The following RELCH variants were observed in gnomAD, a reference collection of about 807,000 sequenced individuals.
RELCH encodes the protein RAB11 binding and LisH domain, coiled-coil and HEAT repeat containing.
Under a neutral mutation model 150.3 loss-of-function variants are expected in RELCH, and 41 were observed. The ratio of observed to expected loss-of-function variants is 0.27; its 90% CI spans 0.21 to 0.35. The LOEUF is 0.35. Among genes scored for constraint, RELCH ranks in the 10% least tolerant of loss-of-function variants. The probability of loss-of-function intolerance (pLI) is 1.00; values close to 1 mark genes in which losing one functional copy is unlikely to be tolerated. For synonymous variants in RELCH, 478 were observed against 531.8 expected (o/e 0.90, Z 1.39); for missense variants, 1,092 against 1,467.8 (o/e 0.74, Z 4.18).
At chr18:62,188,118 G>A in intron 1 of RELCH, 87 bp downstream of exon 1, 3 of 1,377,568 alleles carry the variant, frequency 2.2e-6, no homozygotes, top group Non-Finnish European at 2.9e-6. Context: ...TTCTGCGTGG[G>A]TCCCGATAGG....
intron 10 of RELCH, among the ~76,000 whole-genome samples, chr18:62,237,122 C>A (rs2041915421): frequency 6.6e-6 from 1 of 151,682 alleles, no homozygotes; most frequent in African/African-American, 2.4e-5. Flanking sequence ...GTTACTGATT[C>A]TTAATTTCAT....
chr18:62,243,866 G>A (rs2042270482), intron 10 of RELCH, among the ~76,000 whole-genome samples: 1 of 151,958 alleles, frequency 6.6e-6, no homozygotes, highest in South Asian at 2.1e-4. Flanking sequence ...AAAGAAATGG[G>A]TGTAGTCATT....
At chr18:62,301,783 C>G (rs1422896041) in intron 28 of RELCH, among the ~76,000 whole-genome samples, 1 of 152,180 alleles carries the variant, frequency 6.6e-6, no homozygotes, top group Non-Finnish European at 1.5e-5. Flanking sequence ...AAAGCTGTTA[C>G]AGGAACCCAT....
intron 22 of RELCH, 39 bp from the exon 23 acceptor site, chr18:62,279,735 G>A (rs774417551): frequency 2.4e-5 from 32 of 1,341,794 alleles, no homozygotes; most frequent in Middle Eastern, 3.5e-4. Flanking sequence ...TGCTCTTTCC[G>A]TGCATCACCT....
chr18:62,298,710 T>C, intron 27 of RELCH, 80 bp from the exon 28 acceptor site: 1 of 705,266 alleles, frequency 1.4e-6, no homozygotes, highest in South Asian at 1.8e-5. Context: ...TATAGGAATA[T>C]TAAAAATTAA....
Position 62,308,261 on chromosome 18 carries a change from T to G in RELCH, c.*2727T>G, listed in dbSNP as rs914254987. On this transcript the variant is annotated 3_prime_UTR_variant, in exon 29 of 29. Transcript: ENST00000644646. ...TGGACCATTATTTGAACTCCAAGGA[T>G]GTAACTTTCTGTAGTTACTACCCTG... 6.6e-5 allele frequency: 10 copies of G among 152,230 alleles called. No individual in the cohort carries two copies. The highest frequency in any genetic ancestry group is 2.4e-4 in the African/African-American group (10 of 41,458). 9.4% of individuals were successfully genotyped at this position (152,230 alleles called of 1,614,324 possible).
intron 19 of RELCH, 115 bp downstream of exon 19, chr18:62,266,864 G>A: frequency 1.6e-6 from 1 of 623,118 alleles, no homozygotes; most frequent in South Asian, 2.2e-5. Flanking sequence ...AATTGAAAAG[G>A]AAAACTTATA....
chr18:62,275,799 T>G (rs2144873928), intron 22 of RELCH, among the ~76,000 whole-genome samples: 1 of 152,314 alleles, frequency 6.6e-6, no homozygotes, highest in South Asian at 2.1e-4. Flanking sequence ...CTGAGGTAAA[T>G]AAACTGAAAC....
chr18:62,231,119 A>G (rs549639772), intron 8 of RELCH, 75 bp from the exon 9 acceptor site: 5 of 992,926 alleles, frequency 5.0e-6, no homozygotes, highest in Admixed American at 1.9e-5. Context: ...AAGTTATAAT[A>G]CATAACTTAA....
intron 5 of RELCH, 106 bp from the exon 6 acceptor site, chr18:62,227,183 C>A: frequency 2.6e-6 from 2 of 757,204 alleles, no homozygotes; most frequent in African/African-American, 1.9e-5. Context: ...CATGACACAG[C>A]AAAACCGATC....
intron 1 of RELCH, among the ~76,000 whole-genome samples, chr18:62,206,734 C>T (rs1000390779): frequency 6.6e-6 from 1 of 152,164 alleles, no homozygotes; most frequent in African/African-American, 2.4e-5. Context: ...TTAAAATGTC[C>T]TTCCTGCTAC....
intron 16 of RELCH, among the ~76,000 whole-genome samples, chr18:62,262,905 C>A (rs371994041): frequency 2.0e-5 from 3 of 151,894 alleles, no homozygotes; most frequent in Non-Finnish European, 2.9e-5. Flanking sequence ...AGGGAAACTG[C>A]GAGGTAAAGG....
At chr18:62,197,019 A>G (rs1394842296) in intron 1 of RELCH, among the ~76,000 whole-genome samples, 2 of 152,200 alleles carry the variant, frequency 1.3e-5, no homozygotes, top group Admixed American at 6.5e-5. Context: ...AATAAATAGT[A>G]ACTTTATTAT....
chr18:62,299,716 C>T (rs1380760382), intron 28 of RELCH, among the ~76,000 whole-genome samples: 1 of 152,102 alleles, frequency 6.6e-6, no homozygotes, highest in Non-Finnish European at 1.5e-5. Flanking sequence ...AGGTTTTTTA[C>T]AGGTTTTTCT....
chr18:62,281,367 A>AT (rs2044506741), intron 24 of RELCH, among the ~76,000 whole-genome samples: 1 of 152,236 alleles, frequency 6.6e-6, no homozygotes, highest in Non-Finnish European at 1.5e-5. Context: ...TTGTATTCTG[A>AT]TAACTGTGTC....
rs2038236087 is a variant in RELCH at position 62,187,823 on chromosome 18, C to T, written c.318C>T (p.Tyr106=). ...CTGCTCAGCTGTTGCGCGATCAATA[C>T]TTGCTGACCGCCCTGGAGCTGCATA... The part of the protein sequence containing the change: ...AIAAQLLRDQ[Y]LLTALELHTE... Residue 106 remains tyrosine, a synonymous_variant, in exon 1 of 29, where the codon TAC becomes TAT. Transcript: ENST00000644646. 1 of 1,593,370 alleles carries T rather than the reference C, an allele frequency of 6.3e-7. No homozygotes were observed. Among genetic ancestry groups the T allele is most frequent in the Non-Finnish European group, 8.5e-7 (1 of 1,169,922 alleles).
intron 12 of RELCH, among the ~76,000 whole-genome samples, chr18:62,253,328 T>C (rs1382613320): frequency 6.6e-6 from 1 of 150,762 alleles, no homozygotes. Flanking sequence ...GAAATATATA[T>C]TGTATACTTG....
In RELCH at chr18:62,305,376, T is replaced by G; in HGVS notation, c.3531-38T>G. The stretch of plus-strand genomic sequence containing the variant: ...AAATAAATGAAAAATTTTTATTTTT[T>G]TAATTGCTTTACATGAATTTTAAAT... On this transcript the variant is annotated intron_variant, in intron 28 of 28. Transcript: ENST00000644646. The surrounding 1 kb of genome is among the most constrained non-coding windows in gnomAD (Gnocchi z 4.0). The G allele has an allele frequency of 6.4e-7, 1 of 1,560,150 alleles. No homozygotes were observed. The highest frequency in any genetic ancestry group is 8.6e-7 in the Non-Finnish European group (1 of 1,157,006).
intron 1 of RELCH, among the ~76,000 whole-genome samples, chr18:62,199,751 A>G (rs1452807800): frequency 6.6e-6 from 1 of 152,190 alleles, no homozygotes; most frequent in Non-Finnish European, 1.5e-5. Context: ...TATTCAAGAG[A>G]ACCAATGGTT....
Sources: allele counts gnomAD v4.1 joint callset (sites outside exome capture counted in the v4.1 genomes callset), GRCh38; gene constraint gnomAD v4.1.1; non-coding constraint Gnocchi (gnomAD v3.1); transcripts MANE v1.5; gene names NCBI Gene and HGNC (gene_info 2026-07-23, HGNC 2026-07-21).